Variants in MED13L observed in about 807,000 individuals in gnomAD.
MED13L encodes the protein mediator of RNA polymerase II transcription subunit 13-like.
MED13L carries 7 observed loss-of-function variants against 220.9 expected under a neutral mutation model. The observed-to-expected ratio is 0.03, with a 90% CI of 0.02 to 0.06. The LOEUF (loss-of-function observed/expected upper bound fraction) is 0.06. Among genes scored for constraint, MED13L ranks in the 10% least tolerant of loss-of-function variants. The pLI is 1.00. For missense variants in MED13L, 1,965 were observed against 2,760.5 expected (o/e 0.71, Z 6.46); for synonymous variants, 1,011 against 1,015.2 (o/e 1.00, Z 0.08).
chr12:116,178,778 C>T (rs1416046109), intron 2 of MED13L, among the ~76,000 whole-genome samples: 2 of 152,176 alleles, frequency 1.3e-5, no homozygotes, highest in Non-Finnish European at 2.9e-5. Flanking sequence ...AATATTTTTG[C>T]TGAATTGAAC....
At chr12:116,125,548 A>G (rs1875510184) in intron 2 of MED13L, among the ~76,000 whole-genome samples, 1 of 152,220 alleles carries the variant, frequency 6.6e-6, no homozygotes, top group Non-Finnish European at 1.5e-5. Flanking sequence ...TGTCCCACAC[A>G]ATTTTAGAAT....
chr12:116,067,697 C>T lies in MED13L; in HGVS notation c.479+28972G>A, dbSNP rs558096110. Among the ~76,000 whole-genome samples the T allele has an allele frequency of 5.9e-5, 9 of 152,276 alleles. No individual in the cohort carries two copies. In the South Asian group the frequency reaches 8.3e-4, roughly 14 times the overall value. ...GAAAGGCACAGATTTTAGAGTCAGA[C>T]CAACTTGGATTTGTGGCATGGCTAT... On this transcript the variant is annotated intron_variant, in intron 4 of 30. Coordinates refer to ENST00000281928, the MANE Select transcript of MED13L (RefSeq NM_015335.5).
At chr12:116,015,352 T>C in intron 7 of MED13L, 78 bp from the exon 8 acceptor site, 4 of 1,445,252 alleles carry the variant, frequency 2.8e-6, no homozygotes, top group South Asian at 2.3e-5. Context: ...CTTATTAACA[T>C]AAATATGCAT....
intron 3 of MED13L, among the ~76,000 whole-genome samples, chr12:116,107,318 T>G (rs1873671878): frequency 6.6e-6 from 1 of 152,208 alleles, no homozygotes; most frequent in African/African-American, 2.4e-5. Flanking sequence ...CCTAGCTAGA[T>G]ATATACAATG....
In MED13L at chr12:116,009,081, T is replaced by C. The variant is rs1353079554; in HGVS notation, c.1332A>G (p.Val444=). The stretch of plus-strand genomic sequence containing the variant: ...GTCCTGCACTGAACCCTGGTTGAGA[T>C]ACTGTGGGAGGTCGATTGGGCCCGA... ...CAVGPNRPPT[V]SQPGFSAGPS... Residue 444 remains valine, a synonymous_variant, in exon 10 of 31, where the codon GTA becomes GTG. Coordinates refer to ENST00000281928, the MANE Select transcript of MED13L (RefSeq NM_015335.5). The C allele has an allele frequency of 6.2e-7, 1 of 1,613,976 alleles. No individual in the cohort carries two copies. Among genetic ancestry groups the C allele is most frequent in the Non-Finnish European group, 8.5e-7 (1 of 1,180,012 alleles).
At chr12:116,226,885 AC>A (rs1460087135) in intron 2 of MED13L, among the ~76,000 whole-genome samples, 44 of 151,562 alleles carry the variant, frequency 2.9e-4, no homozygotes, top group African/African-American at 1.0e-3. Flanking sequence ...AAAAAAAAAA[AC>A]ACCACAGATG....
At chr12:116,041,324 A>G (rs1324474770) in intron 4 of MED13L, among the ~76,000 whole-genome samples, 1 of 152,098 alleles carries the variant, frequency 6.6e-6, no homozygotes, top group African/African-American at 2.4e-5. Flanking sequence ...TTCTACCACG[A>G]TTGTAAGTCT....
intron 20 of MED13L, 113 bp from the exon 21 acceptor site, chr12:115,983,653 T>C: frequency 8.9e-7 from 1 of 1,129,864 alleles, no homozygotes; most frequent in Non-Finnish European, 1.3e-6. Context: ...TGCAATACTC[T>C]GATTACAATA....
At chr12:116,230,277 A>G (rs939042058) in intron 2 of MED13L, among the ~76,000 whole-genome samples, 3 of 152,030 alleles carry the variant, frequency 2.0e-5, no homozygotes. Flanking sequence ...GCGAGCATCT[A>G]TAGTCCTAGC....
At position 116,242,046 on chromosome 12, in the gene MED13L, GT is replaced by G. The variant is rs1870699990; in HGVS notation, c.73-4342del. 9.3e-5 allele frequency among the ~76,000 whole-genome samples: 12 copies of G among 129,600 alleles called. No individual in the cohort carries two copies. In the South Asian group the frequency reaches 2.0e-3, roughly 22 times the overall value. The allele number at this position is 129,600 out of a possible 152,430, so 85.0% of individuals were successfully genotyped here. ...AATTAAGTGCACTCCAAGTTCTTTT[GT>G]CTTTTTTTTTTTTTTTTTTTTTGAG... On this transcript the variant is annotated intron_variant, in intron 1 of 30. Coordinates refer to ENST00000281928, the MANE Select transcript of MED13L (RefSeq NM_015335.5).
intron 4 of MED13L, among the ~76,000 whole-genome samples, chr12:116,090,703 C>T (rs1872126990): frequency 6.6e-6 from 1 of 152,150 alleles, no homozygotes; most frequent in Non-Finnish European, 1.5e-5. Context: ...GGAAGATCAT[C>T]TACATTTCCG....
intron 2 of MED13L, among the ~76,000 whole-genome samples, chr12:116,183,820 A>ATGTGTG (rs57716114): frequency 0.25 from 36,776 of 146,348 alleles, 5,972 homozygotes; most frequent in African/African-American, 0.47. Context: ...GTGTGTGTGT[A>ATGTGTG]TGTGTGTGTG....
intron 2 of MED13L, among the ~76,000 whole-genome samples, chr12:116,175,070 GA>G (rs1257399135): frequency 2.6e-5 from 4 of 151,964 alleles, no homozygotes; most frequent in Admixed American, 2.6e-4. Context: ...TCCAAAAAAA[GA>G]AAAGAAAATA....
intron 3 of MED13L, among the ~76,000 whole-genome samples, chr12:116,100,682 G>A (rs1304135655): frequency 6.6e-6 from 1 of 151,904 alleles, no homozygotes; most frequent in Non-Finnish European, 1.5e-5. Context: ...GAGCCAAAGT[G>A]GAAGAACAGC....
intron 2 of MED13L, among the ~76,000 whole-genome samples, chr12:116,189,821 T>G (rs1881147984): frequency 6.6e-6 from 1 of 152,212 alleles, no homozygotes; most frequent in Admixed American, 6.5e-5. Flanking sequence ...TATTTTTAAT[T>G]TTTGTGTACA....
chr12:116,020,233 T>C (rs957377230), intron 5 of MED13L, among the ~76,000 whole-genome samples: 1 of 152,226 alleles, frequency 6.6e-6, no homozygotes, highest in African/African-American at 2.4e-5. Flanking sequence ...AAAAGTATGA[T>C]ATTTTGAAGT....
chr12:116,253,136 C>T (rs575139924), intron 1 of MED13L, among the ~76,000 whole-genome samples: 129 of 151,374 alleles, frequency 8.5e-4, no homozygotes, highest in Non-Finnish European at 1.4e-3. Flanking sequence ...TTGGTGCGCA[C>T]CTGTAATCCC....
chr12:116,165,885 G>T (rs1275928033), intron 2 of MED13L, among the ~76,000 whole-genome samples: 1 of 152,164 alleles, frequency 6.6e-6, no homozygotes, highest in Non-Finnish European at 1.5e-5. Flanking sequence ...GGCCTCATCT[G>T]ATCACATGCT....
At chr12:116,218,809 C>T (rs1470393321) in intron 2 of MED13L, among the ~76,000 whole-genome samples, 1 of 152,000 alleles carries the variant, frequency 6.6e-6, no homozygotes, top group Non-Finnish European at 1.5e-5. Flanking sequence ...TCTCAGCTCA[C>T]TGCAGCCTCT....
Sources: gnomAD v4.1 joint callset for allele counts (sites outside exome capture counted in the v4.1 genomes callset) on GRCh38, gnomAD v4.1.1 for gene constraint, MANE v1.5 for transcripts, NCBI Gene and HGNC (gene_info 2026-07-23, HGNC 2026-07-21) for gene names.